The following FAM107B variants were observed in gnomAD, a reference collection of about 807,000 sequenced individuals.
The protein encoded by FAM107B is protein FAM107B.
A neutral mutation model predicts 31.5 loss-of-function variants in FAM107B; 21 were observed. The ratio of observed to expected loss-of-function variants is 0.67; its 90% CI spans 0.47 to 0.96. FAM107B has a LOEUF of 0.96. Ranked by LOEUF, FAM107B falls within the 40% of genes least tolerant of loss-of-function variation. The pLI is 0.00. For synonymous variants in FAM107B, 157 were observed against 141.5 expected, an observed-to-expected ratio of 1.11 and a Z score of -0.78; for missense variants, 452 against 377.1, an observed-to-expected ratio of 1.20 and a Z score of -1.64.
chr10:14,726,196 T>G (rs1257322454), intron 1 of FAM107B, among the ~76,000 whole-genome samples: 11 of 152,218 alleles, frequency 7.2e-5, no homozygotes, highest in Admixed American at 7.2e-4. Context: ...TTTTGCCATG[T>G]TGGCCAGGCT....
intron 2 of FAM107B, among the ~76,000 whole-genome samples, chr10:14,606,066 G>A (rs967238363): frequency 3.9e-5 from 6 of 152,166 alleles, no homozygotes; most frequent in African/African-American, 1.4e-4. Context: ...TCCTCTGCTT[G>A]AAACACTTTA....
intron 1 of FAM107B, among the ~76,000 whole-genome samples, chr10:14,735,957 C>T (rs1300909731): frequency 6.6e-6 from 1 of 151,798 alleles, no homozygotes; most frequent in African/African-American, 2.4e-5. Context: ...TTACAAGAAA[C>T]CTAAGAGGAA....
chr10:14,731,382 T>C (rs1856169868), intron 1 of FAM107B, among the ~76,000 whole-genome samples: 2 of 151,914 alleles, frequency 1.3e-5, no homozygotes, highest in African/African-American at 2.4e-5. Context: ...ACCAACATGG[T>C]GAAACCCCAT....
chr10:14,525,407 C>T (rs1846119486), intron 3 of FAM107B, among the ~76,000 whole-genome samples: 1 of 152,088 alleles, frequency 6.6e-6, no homozygotes, highest in Admixed American at 6.6e-5. Context: ...GTGCTCTTTG[C>T]AGAAAAAGAA....
intron 2 of FAM107B, among the ~76,000 whole-genome samples, chr10:14,610,110 G>A (rs1436303116): frequency 2.6e-5 from 4 of 152,204 alleles, no homozygotes; most frequent in African/African-American, 4.8e-5. Context: ...TCCGGAGGCC[G>A]AGGCGGGTGG....
intron 2 of FAM107B, among the ~76,000 whole-genome samples, chr10:14,627,185 G>A (rs1175620188): frequency 6.6e-6 from 1 of 152,126 alleles, no homozygotes; most frequent in Non-Finnish European, 1.5e-5. Flanking sequence ...CTAAATTGTG[G>A]TCATAAGATT....
intron 2 of FAM107B, among the ~76,000 whole-genome samples, chr10:14,539,251 G>C (rs1452307160): frequency 6.6e-6 from 1 of 152,180 alleles, no homozygotes; most frequent in East Asian, 1.9e-4. Flanking sequence ...AAAATGACTG[G>C]AGCAGGATCT....
intron 1 of FAM107B, among the ~76,000 whole-genome samples, chr10:14,746,727 T>G (rs1304061264): frequency 6.6e-6 from 1 of 152,208 alleles, no homozygotes; most frequent in East Asian, 1.9e-4. Flanking sequence ...GTCCTTAACA[T>G]TTTTTCTTTC....
At chr10:14,626,953 T>A (rs1271523958) in intron 2 of FAM107B, among the ~76,000 whole-genome samples, 2 of 152,172 alleles carry the variant, frequency 1.3e-5, no homozygotes, top group African/African-American at 4.8e-5. Context: ...TGGATTTAAA[T>A]CCTCATTTAT....
At chr10:14,554,532 T>G (rs1163544522) in intron 2 of FAM107B, among the ~76,000 whole-genome samples, 1 of 152,156 alleles carries the variant, frequency 6.6e-6, no homozygotes, top group Non-Finnish European at 1.5e-5. Flanking sequence ...ACTGCTGGTG[T>G]GAAATGGACT....
intron 1 of FAM107B, among the ~76,000 whole-genome samples, chr10:14,706,144 G>A (rs1383737169): frequency 6.6e-6 from 1 of 152,154 alleles, no homozygotes; most frequent in Non-Finnish European, 1.5e-5. Context: ...AGTTTCAGCA[G>A]CTCATGGAGG....
At chr10:14,750,537 G>A (rs1334463914) in intron 1 of FAM107B, among the ~76,000 whole-genome samples, 2 of 152,130 alleles carry the variant, frequency 1.3e-5, no homozygotes, top group African/African-American at 2.4e-5. Context: ...GCTTGAACCC[G>A]GGAGGGGGAG....
At chr10:14,568,888 C>T (rs1179434960) in intron 2 of FAM107B, among the ~76,000 whole-genome samples, 2 of 152,082 alleles carry the variant, frequency 1.3e-5, no homozygotes, top group African/African-American at 4.8e-5. Flanking sequence ...GATCCTAAAT[C>T]CCAGAATCGT....
intron 2 of FAM107B, among the ~76,000 whole-genome samples, chr10:14,591,648 A>C (rs2131341628): frequency 6.6e-6 from 1 of 152,312 alleles, no homozygotes. Flanking sequence ...TGAGGAAATG[A>C]AAGGGTCAAG....
intron 2 of FAM107B, among the ~76,000 whole-genome samples, chr10:14,645,418 T>C (rs2131438514): frequency 6.6e-6 from 1 of 152,340 alleles, no homozygotes; most frequent in South Asian, 2.1e-4. Context: ...TAGGTTTCCG[T>C]TTCCCGTTCG....
chr10:14,620,178 C>T (rs988357846), intron 2 of FAM107B, among the ~76,000 whole-genome samples: 2 of 151,960 alleles, frequency 1.3e-5, no homozygotes, highest in Admixed American at 1.3e-4. Flanking sequence ...GCCACCATGC[C>T]CAGCTAATTT....
At chr10:14,741,377 GAAGAGAGGAGGGC>G (rs1856433137) in intron 1 of FAM107B, among the ~76,000 whole-genome samples, 1 of 152,330 alleles carries the variant, frequency 6.6e-6, no homozygotes, top group South Asian at 2.1e-4. Flanking sequence ...CTGAGAGCAA[GAAGAGAGGAGGGC>G]AAGAGAGGAG....
At chr10:14,587,144 G>A (rs936946938) in intron 2 of FAM107B, among the ~76,000 whole-genome samples, 3 of 152,116 alleles carry the variant, frequency 2.0e-5, no homozygotes, top group South Asian at 2.1e-4. Context: ...CTGCAGAGAT[G>A]AGAAAACTTG....
At chr10:14,639,183 C>T (rs1281659040) in intron 2 of FAM107B, among the ~76,000 whole-genome samples, 2 of 152,054 alleles carry the variant, frequency 1.3e-5, no homozygotes, top group African/African-American at 2.4e-5. Context: ...GACAGACCAA[C>T]ACCCTGTTTC....
Sources: gnomAD v4.1 joint callset for allele counts (sites outside exome capture counted in the v4.1 genomes callset) on GRCh38, gnomAD v4.1.1 for gene constraint, MANE v1.5 for transcripts, NCBI Gene and HGNC (gene_info 2026-07-23, HGNC 2026-07-21) for gene names.